The following PHF21B variants were observed in gnomAD, a reference collection of about 807,000 sequenced individuals.
The protein encoded by PHF21B is PHD finger protein 21B, also known as PHD finger protein 4.
PHF21B carries 22 observed loss-of-function variants against 62.2 expected under a neutral mutation model. The observed-to-expected ratio is 0.35, with a 90% CI of 0.25 to 0.51. The LOEUF (loss-of-function observed/expected upper bound fraction) is 0.51. Ranked by LOEUF, PHF21B falls within the 20% of genes least tolerant of loss-of-function variation. The probability of loss-of-function intolerance (pLI) is 0.97; values close to 1 mark genes in which losing one functional copy is unlikely to be tolerated. For missense variants in PHF21B, 701 were observed against 707.9 expected (o/e 0.99, Z 0.11); for synonymous variants, 341 against 314.7 (o/e 1.08, Z -0.88).
At chr22:44,976,577 T>C (rs1326304149) in intron 2 of PHF21B, among the ~76,000 whole-genome samples, 15 of 152,256 alleles carry the variant, frequency 9.9e-5, no homozygotes, top group Admixed American at 9.8e-4. Context: ...CTGTTCCGTC[T>C]TGTTTCTGCA....
chr22:44,899,608 T>G (rs4823409), intron 5 of PHF21B, among the ~76,000 whole-genome samples: 15,718 of 151,878 alleles, frequency 0.1, 952 homozygotes, highest in African/African-American at 0.18. Context: ...TTTCTTCTCC[T>G]TCTCCTCTTT....
chr22:44,893,361 A>C, intron 7 of PHF21B, 96 bp downstream of exon 7: 4 of 1,211,278 alleles, frequency 3.3e-6, no homozygotes. Flanking sequence ...GGGGGTGCTT[A>C]GGAAAGCGAA....
intron 5 of PHF21B, among the ~76,000 whole-genome samples, chr22:44,896,334 G>C (rs956645746): frequency 2.0e-5 from 3 of 151,778 alleles, no homozygotes; most frequent in Admixed American, 6.6e-5. Flanking sequence ...CATACTTTAA[G>C]GGGCTAAGGT....
chr22:44,977,787 A>C, intron 2 of PHF21B, among the ~76,000 whole-genome samples: 3 of 146,292 alleles, frequency 2.1e-5, no homozygotes, highest in African/African-American at 5.1e-5. Context: ...GAGTTTTACC[A>C]TGTTGCCCAG....
chr22:45,004,526 T>G (rs988456197), intron 2 of PHF21B, among the ~76,000 whole-genome samples: 17 of 152,218 alleles, frequency 1.1e-4, no homozygotes, highest in African/African-American at 3.9e-4. Context: ...TTGTACTGAT[T>G]TTTTTCTGCA....
At chr22:44,900,982 TA>T (rs781175945) in intron 5 of PHF21B, among the ~76,000 whole-genome samples, 2 of 152,258 alleles carry the variant, frequency 1.3e-5, no homozygotes, top group African/African-American at 2.4e-5. Context: ...CCTTGAATTA[TA>T]TTTCAAAAAG....
intron 9 of PHF21B, among the ~76,000 whole-genome samples, chr22:44,888,846 T>TGTC (rs1435395603): frequency 6.7e-4 from 102 of 152,160 alleles, no homozygotes; most frequent in Admixed American, 4.9e-3. Context: ...GGGAGGCAGT[T>TGTC]ATCACACAGC....
At chr22:44,958,931 G>A (rs1005262887) in intron 2 of PHF21B, among the ~76,000 whole-genome samples, 7 of 152,018 alleles carry the variant, frequency 4.6e-5, no homozygotes, top group South Asian at 4.2e-4. Context: ...GTGAGCCACC[G>A]CACCCGGCCC....
intron 2 of PHF21B, among the ~76,000 whole-genome samples, chr22:44,963,213 C>T (rs1171464254): frequency 6.6e-6 from 1 of 152,246 alleles, no homozygotes; most frequent in East Asian, 1.9e-4. Context: ...GGCCTGGCAG[C>T]CACGCTCACA....
In PHF21B at chr22:44,930,170, C is replaced by T. The variant is rs7284079; in HGVS notation, c.121-9680G>A. Reference sequence around the variant, plus strand: ...CGCTCAGGCAAAGCCAGCACTGGGGCGGGTGTGGCCTGCTGGTGTCCCATA... The same window carrying T: ...CGCTCAGGCAAAGCCAGCACTGGGGTGGGTGTGGCCTGCTGGTGTCCCATA... On this transcript the variant is annotated intron_variant, in intron 2 of 12. Coordinates refer to ENST00000313237, the MANE Select transcript of PHF21B (RefSeq NM_138415.5). 3.9e-3 allele frequency among the ~76,000 whole-genome samples: 596 copies of T among 152,298 alleles called. 5 individuals carry two copies. The highest frequency in any genetic ancestry group is 0.012 in the African/African-American group (514 of 41,556).
At chr22:44,946,691 A>ACT (rs1196011354) in intron 2 of PHF21B, among the ~76,000 whole-genome samples, 21 of 151,326 alleles carry the variant, frequency 1.4e-4, no homozygotes, top group Admixed American at 1.4e-3. Flanking sequence ...CCTGCAGAAG[A>ACT]CTCTCCTGCC....
At chr22:44,891,447 G>C in intron 7 of PHF21B, 87 bp from the exon 8 acceptor site, 1 of 1,506,838 alleles carries the variant, frequency 6.6e-7, no homozygotes, top group African/African-American at 1.4e-5. Context: ...GACTCTCTCT[G>C]GGACAGGGTT....
intron 5 of PHF21B, among the ~76,000 whole-genome samples, chr22:44,913,550 A>C (rs2071381345): frequency 1.3e-5 from 2 of 152,240 alleles, no homozygotes; most frequent in Admixed American, 1.3e-4. Context: ...ACCACTGGAA[A>C]CTGGCAGTGC....
intron 3 of PHF21B, among the ~76,000 whole-genome samples, chr22:44,917,452 G>A (rs2071458322): frequency 6.6e-6 from 1 of 152,164 alleles, no homozygotes; most frequent in Non-Finnish European, 1.5e-5. Context: ...CCCATGCATG[G>A]AACCAGGAGC....
chr22:44,901,771 A>T (rs917003101), intron 5 of PHF21B: 2 of 315,774 alleles, frequency 6.3e-6, no homozygotes, highest in Non-Finnish European at 6.0e-6. Context: ...CATATTCCAG[A>T]AAGGCCGTGT....
chr22:44,935,358 T>C (rs1280191186), intron 2 of PHF21B, among the ~76,000 whole-genome samples: 1 of 152,054 alleles, frequency 6.6e-6, no homozygotes, highest in Non-Finnish European at 1.5e-5. Flanking sequence ...CTCACGCCTG[T>C]AATCCCAGCA....
chr22:45,005,820 AAAG>A (rs1435815670), intron 2 of PHF21B, among the ~76,000 whole-genome samples: 2 of 152,158 alleles, frequency 1.3e-5, no homozygotes, highest in Non-Finnish European at 2.9e-5. Flanking sequence ...CGACTCTCTA[AAAG>A]AATTCTACCT....
At chr22:44,958,348 T>C (rs1328228381) in intron 2 of PHF21B, among the ~76,000 whole-genome samples, 2 of 152,202 alleles carry the variant, frequency 1.3e-5, no homozygotes, top group African/African-American at 2.4e-5. Flanking sequence ...TGCACTGCAG[T>C]GTGGACCTTT....
chr22:44,995,803 A>AC (rs1231794043), intron 2 of PHF21B, among the ~76,000 whole-genome samples: 25 of 54,568 alleles, frequency 4.6e-4, no homozygotes, highest in South Asian at 4.1e-3. Context: ...CCCCACCTCC[A>AC]CCCCCCCATC....
Sources: gnomAD v4.1 joint callset for allele counts (sites outside exome capture counted in the v4.1 genomes callset) on GRCh38, gnomAD v4.1.1 for gene constraint, MANE v1.5 for transcripts, NCBI Gene and HGNC (gene_info 2026-07-23, HGNC 2026-07-21) for gene names.